The following SH3PXD2A variants were observed in gnomAD, a reference collection of about 807,000 sequenced individuals.
SH3PXD2A encodes the protein SH3 and PX domains 2A, also known as SH3 and PX domain-containing protein 2A.
SH3PXD2A carries 32 observed loss-of-function variants against 115.2 expected under a neutral mutation model. That is an observed-to-expected ratio of 0.28 (90% CI 0.21 to 0.37). The LOEUF (loss-of-function observed/expected upper bound fraction) is 0.37. Ranked by LOEUF, SH3PXD2A falls within the 10% of genes least tolerant of loss-of-function variation. The pLI is 1.00. For missense variants in SH3PXD2A, 1,328 were observed against 1,498.7 expected, an observed-to-expected ratio of 0.89 and a Z score of 1.88; for synonymous variants, 610 against 629.1, an observed-to-expected ratio of 0.97 and a Z score of 0.45.
chr10:103,667,747 C>T (rs1436735223), intron 7 of SH3PXD2A, among the ~76,000 whole-genome samples: 2 of 152,178 alleles, frequency 1.3e-5, no homozygotes, highest in African/African-American at 4.8e-5. Flanking sequence ...CCTCTGCTCT[C>T]AGGTTTGGGG....
chr10:103,757,036 G>A (rs925977892), intron 3 of SH3PXD2A, among the ~76,000 whole-genome samples: 12 of 152,136 alleles, frequency 7.9e-5, no homozygotes, highest in African/African-American at 2.9e-4. Flanking sequence ...TGCCATCTAC[G>A]CTGGAGTATG....
At chr10:103,739,765 C>T (rs982954551) in intron 3 of SH3PXD2A, among the ~76,000 whole-genome samples, 1 of 152,196 alleles carries the variant, frequency 6.6e-6, no homozygotes, top group Non-Finnish European at 1.5e-5. Flanking sequence ...AGACCTAACT[C>T]ATCAGGATTA....
intron 2 of SH3PXD2A, 130 bp downstream of exon 2, chr10:103,801,152 C>CT (rs1439806936): frequency 1.6e-6 from 1 of 634,398 alleles, no homozygotes; most frequent in African/African-American, 1.8e-5. Flanking sequence ...CTTCCCTCCT[C>CT]TGTCCCTCTG....
At chr10:103,853,519 T>C (rs1842914710) in intron 1 of SH3PXD2A, among the ~76,000 whole-genome samples, 1 of 152,258 alleles carries the variant, frequency 6.6e-6, no homozygotes, top group Non-Finnish European at 1.5e-5. Flanking sequence ...AGCTAGTTAC[T>C]GGCTGCATGC....
chr10:103,826,087 G>C (rs759110654), intron 1 of SH3PXD2A, among the ~76,000 whole-genome samples: 10 of 152,220 alleles, frequency 6.6e-5, no homozygotes, highest in Admixed American at 2.0e-4. Flanking sequence ...TCAAACCTAA[G>C]AGGAGCTCCC....
At chr10:103,812,222 C>A (rs1343220456) in intron 1 of SH3PXD2A, among the ~76,000 whole-genome samples, 1 of 152,220 alleles carries the variant, frequency 6.6e-6, no homozygotes, top group Non-Finnish European at 1.5e-5. Context: ...AGTCTGATCA[C>A]CTCGAGCCAG....
intron 8 of SH3PXD2A, among the ~76,000 whole-genome samples, chr10:103,654,444 T>C (rs1442033036): frequency 6.6e-6 from 1 of 152,168 alleles, no homozygotes; most frequent in African/African-American, 2.4e-5. Flanking sequence ...AGAGAGAAAC[T>C]GGCCCCCTGC....
At chr10:103,807,106 G>A (rs1287048065) in intron 1 of SH3PXD2A, among the ~76,000 whole-genome samples, 2 of 152,168 alleles carry the variant, frequency 1.3e-5, no homozygotes, top group Non-Finnish European at 1.5e-5. Context: ...AAATGGCCTT[G>A]ATGCAAACCA....
intron 4 of SH3PXD2A, among the ~76,000 whole-genome samples, chr10:103,728,893 G>GTTTT (rs1230309303): frequency 1.4e-5 from 2 of 139,758 alleles, no homozygotes; most frequent in African/African-American, 5.4e-5. Flanking sequence ...TTGTTTGTTT[G>GTTTT]TTTGTTTTTT....
chr10:103,795,334 C>A (rs902574448), intron 2 of SH3PXD2A, among the ~76,000 whole-genome samples: 1 of 152,116 alleles, frequency 6.6e-6, no homozygotes, highest in Non-Finnish European at 1.5e-5. Context: ...GCAGCCCCTG[C>A]GTGTGAGTCT....
At chr10:103,749,736 C>T (rs941818202) in intron 3 of SH3PXD2A, 6 of 152,332 alleles carry the variant, frequency 3.9e-5, no homozygotes, top group Non-Finnish European at 2.9e-5. Flanking sequence ...ACTTACAAGG[C>T]TAGATTATAA....
At chr10:103,698,569 T>C (rs552846864) in intron 5 of SH3PXD2A, among the ~76,000 whole-genome samples, 13 of 152,172 alleles carry the variant, frequency 8.5e-5, no homozygotes, top group Admixed American at 8.5e-4. Context: ...ATCTAGAATA[T>C]GAGGGCTGGA....
intron 6 of SH3PXD2A, among the ~76,000 whole-genome samples, chr10:103,687,726 G>C (rs545315372): frequency 1.7e-4 from 26 of 152,264 alleles, no homozygotes; most frequent in African/African-American, 6.0e-4. Flanking sequence ...CATCTCACTC[G>C]ATGAAAGTCA....
Position 103,779,309 on chromosome 10 carries a change from C to T in SH3PXD2A, c.154-12140G>A, listed in dbSNP as rs573699686. ...TCTCGAAATCCTGACCTCAAGCGAT[C>T]CACCCGCCTGGCATGAGGCGCCGTG... On this transcript the variant is annotated intron_variant, in intron 2 of 14. Transcript: ENST00000369774. Among the ~76,000 whole-genome samples, 6 of 152,298 alleles carry T rather than the reference C, an allele frequency of 3.9e-5. No homozygotes were observed. In the South Asian group the frequency reaches 1.2e-3, roughly 32 times the overall value.
At chr10:103,667,841 C>G (rs1395741241) in intron 7 of SH3PXD2A, among the ~76,000 whole-genome samples, 1 of 152,236 alleles carries the variant, frequency 6.6e-6, no homozygotes, top group African/African-American at 2.4e-5. Flanking sequence ...CTCCTCCGAC[C>G]ATCTCCATCC....
rs1013927160 is a variant in SH3PXD2A at position 103,720,173 on chromosome 10, C to A, written c.398+4097G>T. The stretch of plus-strand genomic sequence containing the variant: ...CTGTGTCCTGCCATGGCAGAAGGGG[C>A]AAATGCTGTGTCCTCACATGATGGA... On this transcript the variant is annotated intron_variant, in intron 5 of 14. Coordinates refer to ENST00000369774, the MANE Select transcript of SH3PXD2A (RefSeq NM_001394015.1). Among the ~76,000 whole-genome samples, 5 of 152,368 alleles carry A rather than the reference C, an allele frequency of 3.3e-5. 1 individual carries two copies. Among genetic ancestry groups the A allele is most frequent in the African/African-American group, 7.2e-5 (3 of 41,586 alleles).
intron 2 of SH3PXD2A, among the ~76,000 whole-genome samples, chr10:103,789,921 A>C (rs1003455821): frequency 2.0e-5 from 3 of 152,094 alleles, no homozygotes; most frequent in Non-Finnish European, 2.9e-5. Context: ...ATTATTCAAC[A>C]ATGAGAGAGG....
chr10:103,739,927 G>A (rs1354659818), intron 3 of SH3PXD2A, among the ~76,000 whole-genome samples: 1 of 152,182 alleles, frequency 6.6e-6, no homozygotes, highest in Non-Finnish European at 1.5e-5. Context: ...AGTCCTACCT[G>A]GGCCACAGGC....
At chr10:103,813,997 G>T (rs1387665674) in intron 1 of SH3PXD2A, among the ~76,000 whole-genome samples, 1 of 90,642 alleles carries the variant, frequency 1.1e-5, no homozygotes, top group African/African-American at 3.8e-5. Flanking sequence ...CACTGGACTA[G>T]CTAAAAAAAA....
Sources: allele counts gnomAD v4.1 joint callset (sites outside exome capture counted in the v4.1 genomes callset), GRCh38; gene constraint gnomAD v4.1.1; transcripts MANE v1.5; gene names NCBI Gene and HGNC (gene_info 2026-07-23, HGNC 2026-07-21).